Variants in SLCO1A2 observed in about 807,000 individuals in gnomAD.
SLCO1A2 encodes solute carrier organic anion transporter family member 1A2.
A neutral mutation model predicts 69.0 loss-of-function variants in SLCO1A2; 67 were observed. The observed-to-expected ratio is 0.97, with a 90% CI of 0.80 to 1.19. The LOEUF (loss-of-function observed/expected upper bound fraction) is 1.19. Ranked by LOEUF, SLCO1A2 falls within the 50% of genes most tolerant of loss-of-function variation. The probability of loss-of-function intolerance (pLI) is 0.00; values close to 1 mark genes in which losing one functional copy is unlikely to be tolerated. For missense variants in SLCO1A2, 787 were observed against 793.7 expected, an observed-to-expected ratio of 0.99 and a Z score of 0.10; for synonymous variants, 260 against 265.9, an observed-to-expected ratio of 0.98 and a Z score of 0.22.
At chr12:21,320,695 C>T (rs1021538420) in intron 2 of SLCO1A2, among the ~76,000 whole-genome samples, 1 of 152,002 alleles carries the variant, frequency 6.6e-6, no homozygotes, top group Non-Finnish European at 1.5e-5. Flanking sequence ...GACGGGGTTT[C>T]ACCATGTTGG....
At chr12:21,396,870 A>G (rs1941484321), upstream of SLCO1A2, among the ~76,000 whole-genome samples, 1 of 152,202 alleles carries the variant, frequency 6.6e-6, no homozygotes, top group Non-Finnish European at 1.5e-5. Context: ...CTCCTGAAGG[A>G]AGCACTAAAC....
At chr12:21,314,732 A>C (rs10841789) in intron 3 of SLCO1A2, 51 bp from the exon 4 acceptor site, 346,302 of 1,357,618 alleles carry the variant, frequency 0.26, 47,023 homozygotes, top group Non-Finnish European at 0.29. Context: ...CAAAGTCTTA[A>C]TTAAGAGCCT....
chr12:21,348,775 C>T (rs1159788360), intron 2 of SLCO1A2, among the ~76,000 whole-genome samples: 1 of 152,162 alleles, frequency 6.6e-6, no homozygotes. Flanking sequence ...AATAGTCATA[C>T]TATCTTCCAT....
At chr12:21,347,490 A>G (rs946903313) in intron 2 of SLCO1A2, among the ~76,000 whole-genome samples, 7 of 152,076 alleles carry the variant, frequency 4.6e-5, no homozygotes, top group African/African-American at 1.7e-4. Context: ...TACTAAAAAT[A>G]CAAAAATTAG....
intron 2 of SLCO1A2, among the ~76,000 whole-genome samples, chr12:21,358,654 T>C (rs1938566132): frequency 6.6e-6 from 1 of 152,078 alleles, no homozygotes; most frequent in African/African-American, 2.4e-5. Flanking sequence ...TAATTTTTTA[T>C]AATTAAAAAT....
At chr12:21,393,530 C>A (rs533030280) in intron 1 of SLCO1A2, among the ~76,000 whole-genome samples, 6 of 152,050 alleles carry the variant, frequency 3.9e-5, no homozygotes, top group African/African-American at 1.2e-4. Flanking sequence ...TAGAGACCAG[C>A]CGGATTAAAA....
chr12:21,403,973 A>G (rs913790715), intron 1 of SLCO1A2, among the ~76,000 whole-genome samples: 1 of 152,116 alleles, frequency 6.6e-6, no homozygotes, highest in Non-Finnish European at 1.5e-5. Flanking sequence ...GTAGCTGGAT[A>G]TCTAAGAAAA....
At chr12:21,341,589 T>G (rs1266923686) in intron 2 of SLCO1A2, among the ~76,000 whole-genome samples, 2 of 152,072 alleles carry the variant, frequency 1.3e-5, no homozygotes, top group East Asian at 3.9e-4. Flanking sequence ...TCTGCCTTTT[T>G]TTATTACTTA....
At chr12:21,280,313 C>A (rs1233608737) in intron 12 of SLCO1A2, among the ~76,000 whole-genome samples, 1 of 151,838 alleles carries the variant, frequency 6.6e-6, no homozygotes, top group Non-Finnish European at 1.5e-5. Context: ...TAAAAAAATA[C>A]CCAATAATCT....
chr12:21,411,623 A>C (rs1255050795), intron 1 of SLCO1A2, among the ~76,000 whole-genome samples: 2 of 152,152 alleles, frequency 1.3e-5, no homozygotes, highest in African/African-American at 4.8e-5. Flanking sequence ...AATCTTATCA[A>C]ATTTTATGAC....
At chr12:21,388,529 T>C (rs551776947) in intron 1 of SLCO1A2, among the ~76,000 whole-genome samples, 13 of 152,258 alleles carry the variant, frequency 8.5e-5, no homozygotes, top group African/African-American at 1.9e-4. Context: ...TGCTCCTCCT[T>C]CTTCTGCCAT....
intron 3 of SLCO1A2, among the ~76,000 whole-genome samples, chr12:21,317,554 T>C (rs536492580): frequency 1.3e-5 from 2 of 152,274 alleles, no homozygotes; most frequent in African/African-American, 4.8e-5. Flanking sequence ...ATACTATTAT[T>C]ATCTGCATCT....
chr12:21,277,219 A>G (rs1021071719), intron 12 of SLCO1A2, among the ~76,000 whole-genome samples: 3 of 149,836 alleles, frequency 2.0e-5, no homozygotes, highest in Non-Finnish European at 4.5e-5. Flanking sequence ...ACAGTAGGAT[A>G]GGGCACTGGT....
chr12:21,296,021 ATTCAT>A (rs1947659016), intron 9 of SLCO1A2, among the ~76,000 whole-genome samples: 1 of 152,204 alleles, frequency 6.6e-6, no homozygotes, highest in Admixed American at 6.5e-5. Context: ...TTATATTATC[ATTCAT>A]TTAACTCATT....
chr12:21,370,975 T>C (rs567152959), intron 2 of SLCO1A2, among the ~76,000 whole-genome samples: 9 of 152,208 alleles, frequency 5.9e-5, no homozygotes, highest in Non-Finnish European at 1.2e-4. Flanking sequence ...AGAGGCGGTG[T>C]TACAGCTCTG....
intron 2 of SLCO1A2, among the ~76,000 whole-genome samples, chr12:21,362,550 T>A (rs1938999978): frequency 6.6e-6 from 1 of 152,128 alleles, no homozygotes; most frequent in Admixed American, 6.5e-5. Flanking sequence ...CACATAACAA[T>A]ATTAACCTTA....
At chr12:21,325,209 A>G (rs11836945) in intron 2 of SLCO1A2, among the ~76,000 whole-genome samples, 1 of 152,250 alleles carries the variant, frequency 6.6e-6, no homozygotes, top group Non-Finnish European at 1.5e-5. Flanking sequence ...GTGTCCAATT[A>G]ACATTCCTCA....
intron 2 of SLCO1A2, among the ~76,000 whole-genome samples, chr12:21,354,262 G>A (rs1408162929): frequency 6.6e-6 from 1 of 152,100 alleles, no homozygotes; most frequent in East Asian, 1.9e-4. Context: ...CTTTCCTGGT[G>A]GCTACTGAAA....
intron 14 of SLCO1A2, among the ~76,000 whole-genome samples, chr12:21,273,528 A>ACCT (rs1486981745): frequency 6.6e-6 from 1 of 152,190 alleles, no homozygotes; most frequent in African/African-American, 2.4e-5. Flanking sequence ...GGTCTGACTA[A>ACCT]CAGAGAATGG....
Sources: gnomAD v4.1 joint callset for allele counts (sites outside exome capture counted in the v4.1 genomes callset) on GRCh38, gnomAD v4.1.1 for gene constraint, MANE v1.5 for transcripts, NCBI Gene and HGNC (gene_info 2026-07-23, HGNC 2026-07-21) for gene names.